Variants in TMEM132C observed in about 807,000 individuals in gnomAD.
TMEM132C encodes protein phosphatase 1, regulatory subunit 152.
A neutral mutation model predicts 61.4 loss-of-function variants in TMEM132C; 29 were observed. The observed-to-expected ratio is 0.47, with a 90% confidence interval of 0.35 to 0.64. The LOEUF (loss-of-function observed/expected upper bound fraction) is 0.64. Ranked by LOEUF, TMEM132C falls within the 30% of genes least tolerant of loss-of-function variation. The pLI is 0.00. For missense variants in TMEM132C, 1,408 were observed against 1,476.9 expected (o/e 0.95, Z 0.76); for synonymous variants, 656 against 633.1 (o/e 1.04, Z -0.54).
chr12:128,270,445 A>T (rs971208310), intron 1 of TMEM132C, among the ~76,000 whole-genome samples: 6 of 152,184 alleles, frequency 3.9e-5, no homozygotes, highest in Non-Finnish European at 8.8e-5. Context: ...TAAGACCCCA[A>T]ATAGCTTGAC....
Position 128,544,109 on chromosome 12 carries a change from C to G in TMEM132C, c.1121+6C>G, listed in dbSNP as rs1011226923. The G allele has an allele frequency of 2.0e-6, 3 of 1,519,790 alleles. No homozygotes were observed. Among genetic ancestry groups the G allele is most frequent in the Admixed American group, 2.2e-5 (1 of 46,152 alleles). The allele number at this position is 1,519,790 out of a possible 1,614,324, so 94.1% of individuals were successfully genotyped here. On this transcript the variant is annotated splice_donor_region_variant and intron_variant, in intron 3 of 8. Transcript: ENST00000435159. ...GGGCCCAGCCCACGCAACAGGTAAGCGGTGCCCTCCCTGCAAGCGTGTGTG... is the reference window on the plus strand; with the variant it reads ...GGGCCCAGCCCACGCAACAGGTAAGGGGTGCCCTCCCTGCAAGCGTGTGTG...
In TMEM132C at chr12:128,584,723, G is replaced by C. The variant is rs143875868; in HGVS notation, c.1122-31429G>C. On this transcript the variant is annotated intron_variant, in intron 3 of 8. Coordinates refer to ENST00000435159, the MANE Select transcript of TMEM132C (RefSeq NM_001136103.3). The stretch of plus-strand genomic sequence containing the variant: ...AGGCCACCTCAACTGGGTCCAGAAA[G>C]TCCACATGGCCCCATCTGTGCAGCT... 5.4e-3 allele frequency among the ~76,000 whole-genome samples: 822 copies of C among 152,326 alleles called. 6 individuals carry two copies. The highest frequency in any genetic ancestry group is 0.019 in the African/African-American group (779 of 41,564).
At chr12:128,333,441 TTATG>T (rs1208243106) in intron 1 of TMEM132C, among the ~76,000 whole-genome samples, 1 of 151,758 alleles carries the variant, frequency 6.6e-6, no homozygotes, top group African/African-American at 2.4e-5. Context: ...AGTGTTTTGT[TTATG>T]TGTGTGAGCA....
intron 1 of TMEM132C, among the ~76,000 whole-genome samples, chr12:128,351,213 A>G (rs1873327212): frequency 6.6e-6 from 1 of 152,056 alleles, no homozygotes; most frequent in African/African-American, 2.4e-5. Context: ...GGGGCCAAGG[A>G]GTGATATGAC....
intron 1 of TMEM132C, among the ~76,000 whole-genome samples, chr12:128,397,092 C>T (rs1444354590): frequency 6.6e-6 from 1 of 152,086 alleles, no homozygotes; most frequent in Admixed American, 6.5e-5. Flanking sequence ...CAGCTGTGAC[C>T]CCTGGCAGCT....
chr12:128,618,879 A>C (rs1876898313), intron 4 of TMEM132C, among the ~76,000 whole-genome samples: 1 of 152,176 alleles, frequency 6.6e-6, no homozygotes, highest in African/African-American at 2.4e-5. Flanking sequence ...ACCGTTTTGC[A>C]TCCCCTGGGA....
rs1362634925 is a variant in TMEM132C at position 128,705,388 on chromosome 12, G to T, written c.2420G>T (p.Ser807Ile). The change falls in exon 9 of 9, where the codon AGC becomes ATC. Residue 807 changes from serine to isoleucine, a missense_variant. Transcript: ENST00000435159. ...TTCGGACAGAACGATGCTGACTCCAGCCCCGGCGGGGACTATGAGGAAGAT... is the reference window on the plus strand; with the variant it reads ...TTCGGACAGAACGATGCTGACTCCATCCCCGGCGGGGACTATGAGGAAGAT... ...VKFGQNDADS[S>I]PGGDYEEDEI... 5.8e-6 allele frequency: 9 copies of T among 1,551,138 alleles called. No individual in the cohort carries two copies. The highest frequency in any genetic ancestry group is 2.0e-5 in the Admixed American group (1 of 50,994).
At chr12:128,453,644 G>A (rs543580045) in intron 2 of TMEM132C, among the ~76,000 whole-genome samples, 1 of 152,236 alleles carries the variant, frequency 6.6e-6, no homozygotes, top group East Asian at 1.9e-4. Context: ...GCCATCTTTG[G>A]TAAAAATCTA....
chr12:128,641,748 C>G (rs1436455457), intron 4 of TMEM132C, among the ~76,000 whole-genome samples: 1 of 152,188 alleles, frequency 6.6e-6, no homozygotes, highest in Non-Finnish European at 1.5e-5. Context: ...GTTATAGCAG[C>G]CACGGGAAAC....
At chr12:128,523,685 G>T (rs1872983526) in intron 2 of TMEM132C, among the ~76,000 whole-genome samples, 1 of 151,810 alleles carries the variant, frequency 6.6e-6, no homozygotes, top group Non-Finnish European at 1.5e-5. Context: ...AGAAAAATCT[G>T]TAAAAAAATA....
intron 2 of TMEM132C, among the ~76,000 whole-genome samples, chr12:128,526,482 C>G (rs1280102511): frequency 6.6e-6 from 1 of 152,184 alleles, no homozygotes; most frequent in African/African-American, 2.4e-5. Flanking sequence ...AAGGCCCCAC[C>G]TCCTAAAGCC....
At chr12:128,396,426 C>T (rs539230234) in intron 1 of TMEM132C, among the ~76,000 whole-genome samples, 2 of 152,006 alleles carry the variant, frequency 1.3e-5, no homozygotes, top group African/African-American at 2.4e-5. Flanking sequence ...TACAAATGCT[C>T]GCATGCATTA....
At chr12:128,450,077 A>T (rs7138576) in intron 2 of TMEM132C, among the ~76,000 whole-genome samples, 26,202 of 152,148 alleles carry the variant, frequency 0.17, 3,791 homozygotes, top group African/African-American at 0.4. Flanking sequence ...TCTGGAGCAG[A>T]GCTAGCCAGT....
chr12:128,414,657 G>C, intron 1 of TMEM132C, 75 bp from the exon 2 acceptor site: 2 of 1,411,624 alleles, frequency 1.4e-6, no homozygotes, highest in Middle Eastern at 2.1e-4. Flanking sequence ...ATGGCTTACA[G>C]ACCTAACAGC....
At chr12:128,619,243 A>G (rs1953934855) in intron 4 of TMEM132C, among the ~76,000 whole-genome samples, 1 of 152,196 alleles carries the variant, frequency 6.6e-6, no homozygotes, top group Non-Finnish European at 1.5e-5. Flanking sequence ...AAGGTGAAAC[A>G]GGGGATTAAC....
At chr12:128,581,031 C>T (rs1338631704) in intron 3 of TMEM132C, among the ~76,000 whole-genome samples, 2 of 152,098 alleles carry the variant, frequency 1.3e-5, no homozygotes, top group African/African-American at 4.8e-5. Flanking sequence ...CACTAGTTTA[C>T]AACACCAAAC....
At chr12:128,560,853 C>T (rs952272115) in intron 3 of TMEM132C, among the ~76,000 whole-genome samples, 2 of 152,138 alleles carry the variant, frequency 1.3e-5, no homozygotes, top group African/African-American at 4.8e-5. Context: ...AGAGAGCCCT[C>T]GTGTTGAGAG....
Position 128,394,090 on chromosome 12 carries a change from T to C in TMEM132C, c.86-20642T>C, listed in dbSNP as rs147518324. 2.4e-3 allele frequency among the ~76,000 whole-genome samples: 372 copies of C among 152,080 alleles called. 3 individuals are homozygous for C. The highest frequency in any genetic ancestry group is 0.016 in the South Asian group (79 of 4,808). ...TGAGGCTGGGGAGGCCTCACAATCGTGGGGGAAGGTGAAAGGCGTGTCTTA... is the reference window on the plus strand; with the variant it reads ...TGAGGCTGGGGAGGCCTCACAATCGCGGGGGAAGGTGAAAGGCGTGTCTTA... On this transcript the variant is annotated intron_variant, in intron 1 of 8. Coordinates refer to ENST00000435159, the MANE Select transcript of TMEM132C (RefSeq NM_001136103.3).
In TMEM132C at chr12:128,706,302, C is replaced by G. The variant is rs1954840588; in HGVS notation, c.*7C>G. The G allele has an allele frequency of 3.9e-5, 59 of 1,511,840 alleles. No homozygotes were observed. The highest frequency in any genetic ancestry group is 5.2e-5 in the Non-Finnish European group (59 of 1,127,228). 93.7% of individuals were successfully genotyped at this position (1,511,840 alleles called of 1,614,324 possible). A position where few individuals can be genotyped will look rare whatever the true frequency, so the allele number is the denominator to read the frequency against. On this transcript the variant is annotated 3_prime_UTR_variant, in exon 9 of 9. Transcript: ENST00000435159. ...ACTCAAAGATAAGGCTTAGGCCCCT[C>G]TAGCCAAAGGGCCCTGCCCAGATGC... is the stretch of plus-strand genomic sequence containing the variant.
Sources: allele counts gnomAD v4.1 joint callset (sites outside exome capture counted in the v4.1 genomes callset), GRCh38; gene constraint gnomAD v4.1.1; transcripts MANE v1.5; gene names NCBI Gene and HGNC (gene_info 2026-07-23, HGNC 2026-07-21).